FSD1L: variants seen among roughly 807,000 people sequenced by gnomAD.
The protein encoded by FSD1L is fibronectin type III and SPRY domain containing 1 like, also known as FSD1-like protein.
Under a neutral mutation model 71.6 loss-of-function variants are expected in FSD1L, and 45 were observed. The observed-to-expected ratio is 0.63, with a 90% CI of 0.49 to 0.81. The LOEUF (loss-of-function observed/expected upper bound fraction) is 0.81, where lower values mean the gene tolerates loss of function less well. FSD1L is among the 30% of genes least tolerant of loss of function. FSD1L has a pLI of 0.00. For synonymous variants in FSD1L, 197 were observed against 207.2 expected, an observed-to-expected ratio of 0.95 and a Z score of 0.42; for missense variants, 561 against 618.1, an observed-to-expected ratio of 0.91 and a Z score of 0.98.
At chr9:105,502,072 C>G (rs1260190523) in intron 7 of FSD1L, among the ~76,000 whole-genome samples, 2 of 152,054 alleles carry the variant, frequency 1.3e-5, no homozygotes, top group Admixed American at 6.6e-5. Flanking sequence ...ACATATATGG[C>G]CTTAGCTTAG....
intron 10 of FSD1L, chr9:105,520,905 A>G (rs1003312871): frequency 5.0e-6 from 8 of 1,612,120 alleles, no homozygotes; most frequent in Middle Eastern, 2.2e-4. Flanking sequence ...TCTAAAATAC[A>G]TAGTCATTCA....
At chr9:105,522,354 A>C in intron 10 of FSD1L, 3 of 1,614,044 alleles carry the variant, frequency 1.9e-6, no homozygotes, top group Non-Finnish European at 2.5e-6. Context: ...GCACAAAGGG[A>C]AAGGAGTTGG....
At chr9:105,497,229 G>A (rs1277739446) in intron 7 of FSD1L, among the ~76,000 whole-genome samples, 1 of 150,306 alleles carries the variant, frequency 6.7e-6, no homozygotes, top group Non-Finnish European at 1.5e-5. Flanking sequence ...GTTGGTCAAG[G>A]GTATAATTCT....
chr9:105,530,245 G>C (rs76553976), intron 10 of FSD1L, among the ~76,000 whole-genome samples: 3,803 of 152,262 alleles, frequency 0.025, 178 homozygotes, highest in African/African-American at 0.087. Context: ...AGCTGAAGAG[G>C]CTTACTTAAA....
intron 12 of FSD1L, among the ~76,000 whole-genome samples, chr9:105,538,274 C>T (rs762158941): frequency 6.6e-6 from 1 of 152,130 alleles, no homozygotes; most frequent in African/African-American, 2.4e-5. Flanking sequence ...TTACCAACTT[C>T]GAGATCAAAG....
intron 1 of FSD1L, among the ~76,000 whole-genome samples, chr9:105,457,910 G>A: frequency 6.6e-6 from 1 of 152,392 alleles, no homozygotes; most frequent in East Asian, 1.9e-4. Flanking sequence ...CATACTGCAA[G>A]TGGCTTCCTC....
At chr9:105,455,044 G>A (rs1830278852) in intron 1 of FSD1L, among the ~76,000 whole-genome samples, 4 of 152,200 alleles carry the variant, frequency 2.6e-5, no homozygotes, top group Admixed American at 2.6e-4. Flanking sequence ...AATAACTGGT[G>A]AGATTCTGAT....
At chr9:105,524,845 G>T in intron 10 of FSD1L, 16 of 1,591,828 alleles carry the variant, frequency 1.0e-5, no homozygotes, top group Non-Finnish European at 1.4e-5. Flanking sequence ...ATGCTAACAA[G>T]TCAGGTGTGT....
At position 105,535,271 on chromosome 9, in the gene FSD1L, A is replaced by C. The variant is rs771960294; in HGVS notation, c.1331A>C (p.Asp444Ala). 3 of 1,551,658 alleles carry C rather than the reference A, an allele frequency of 1.9e-6. No individual in the cohort carries two copies. The highest frequency in any genetic ancestry group is 2.7e-5 in the African/African-American group (2 of 73,170). Residue 444 changes from aspartate (D) to alanine (A), a missense_variant, in exon 12 of 14, where the codon GAT (aspartate) becomes GCT (alanine). Coordinates refer to ENST00000481272, the MANE Select transcript of FSD1L (RefSeq NM_001145313.3). Reference protein sequence around the residue: ...AKHNNKVKALDVTVPEKIGVF... With the variant: ...AKHNNKVKALAVTVPEKIGVF... Reference sequence around the variant, plus strand: ...CATAATAATAAAGTCAAAGCTTTGGATGTTACTGTTCCTGAAAAAATAGGT... The same window carrying C: ...CATAATAATAAAGTCAAAGCTTTGGCTGTTACTGTTCCTGAAAAAATAGGT...
rs1829740754 is a variant in FSD1L, at chr9:105,448,168, C to A, written c.-53C>A. ...TGGGGTGTGCGATCTCGCTGAGCCT[C>A]CTCACACGGTTCGTCGTCTCGGGTT... On this transcript the variant is annotated 5_prime_UTR_variant, in exon 1 of 14. Transcript: ENST00000481272. 2.0e-5 allele frequency: 31 copies of A among 1,535,616 alleles called. No individual in the cohort carries two copies. The East Asian group carries it at 7.8e-4, about 39-fold the overall frequency.
At chr9:105,523,676 T>G in intron 10 of FSD1L, 1 of 1,599,876 alleles carries the variant, frequency 6.3e-7, no homozygotes, top group Non-Finnish European at 8.6e-7. Context: ...CTGATAAATA[T>G]AAACAAGGTA....
At chr9:105,464,498 A>G (rs1045681841) in intron 3 of FSD1L, among the ~76,000 whole-genome samples, 167 bp downstream of exon 3, 2 of 152,220 alleles carry the variant, frequency 1.3e-5, no homozygotes, top group Admixed American at 1.3e-4. Context: ...TGTTTTGTCC[A>G]TGGAAAAATC....
chr9:105,461,724 G>A, intron 2 of FSD1L, 109 bp downstream of exon 2: 1 of 656,392 alleles, frequency 1.5e-6, no homozygotes, highest in Non-Finnish European at 2.6e-6. Flanking sequence ...CATTAAAAAG[G>A]TAGGCTTTAG....
At chr9:105,453,719 G>A (rs546037315) in intron 1 of FSD1L, among the ~76,000 whole-genome samples, 2 of 152,244 alleles carry the variant, frequency 1.3e-5, no homozygotes, top group South Asian at 4.1e-4. Flanking sequence ...TAGTGAAGCA[G>A]ACCTTTTTTT....
intron 7 of FSD1L, among the ~76,000 whole-genome samples, chr9:105,489,222 T>A (rs1482132934): frequency 6.6e-6 from 1 of 152,128 alleles, no homozygotes; most frequent in Non-Finnish European, 1.5e-5. Flanking sequence ...TTAGGTAAAA[T>A]GCATGGTGAA....
rs2131560207 is a variant in FSD1L at position 105,551,429 on chromosome 9, C to T, written c.*4946C>T. On this transcript the variant is annotated 3_prime_UTR_variant, in exon 14 of 14. Transcript: ENST00000481272. ...CTTTATAAAATAAGTGTAAGTTGTT[C>T]AGCCTGCCTCACAGGGCTGTTGTGA... The T allele has an allele frequency of 6.6e-6, 1 of 151,854 alleles. No individual in the cohort carries two copies. The highest frequency in any genetic ancestry group is 1.9e-4 in the East Asian group (1 of 5,164). The allele number at this position is 151,854 out of a possible 1,614,324, so 9.4% of individuals were successfully genotyped here.
At chr9:105,452,594 TTCCC>T (rs1039731234) in intron 1 of FSD1L, among the ~76,000 whole-genome samples, 4 of 151,254 alleles carry the variant, frequency 2.6e-5, no homozygotes, top group Admixed American at 2.6e-4. Flanking sequence ...TAAAGCAGGG[TTCCC>T]TCCCTCCCTC....
intron 7 of FSD1L, among the ~76,000 whole-genome samples, chr9:105,487,714 T>C (rs116032929): frequency 0.016 from 2,392 of 152,252 alleles, 89 homozygotes; most frequent in African/African-American, 0.055. Context: ...TGATTTTTTT[T>C]CCTAGCAAAA....
chr9:105,480,606 A>G (rs1564097858), intron 6 of FSD1L, among the ~76,000 whole-genome samples: 1 of 151,970 alleles, frequency 6.6e-6, no homozygotes, highest in Non-Finnish European at 1.5e-5. Flanking sequence ...ATTAATTTTT[A>G]TATTTTTTGT....
Sources: gnomAD v4.1 joint callset for allele counts (sites outside exome capture counted in the v4.1 genomes callset) on GRCh38, gnomAD v4.1.1 for gene constraint, MANE v1.5 for transcripts, NCBI Gene and HGNC (gene_info 2026-07-23, HGNC 2026-07-21) for gene names.